PAPSS2: variants seen among roughly 807,000 people sequenced by gnomAD.
PAPSS2 encodes the protein 3'-phosphoadenosine 5'-phosphosulfate synthase 2.
In PAPSS2, 61 loss-of-function variants were observed where a neutral mutation model predicts 66.5. That is an observed-to-expected ratio of 0.92 (90% confidence interval 0.75 to 1.14). PAPSS2 has a LOEUF of 1.14. Ranked by LOEUF, PAPSS2 falls within the 50% of genes most tolerant of loss-of-function variation. The probability of loss-of-function intolerance (pLI) is 0.00; values close to 1 mark genes in which losing one functional copy is unlikely to be tolerated. For synonymous variants in PAPSS2, 289 were observed against 287.5 expected, an observed-to-expected ratio of 1.01 and a Z score of -0.05; for missense variants, 708 against 789.6, an observed-to-expected ratio of 0.90 and a Z score of 1.24.
chr10:87,689,176 A>G (rs1853131579), intron 1 of PAPSS2, among the ~76,000 whole-genome samples: 2 of 151,844 alleles, frequency 1.3e-5, no homozygotes, highest in Non-Finnish European at 2.9e-5. Context: ...CCCCGTCCCC[A>G]CTAAAAATAC....
At chr10:87,687,572 A>G (rs575620418) in intron 1 of PAPSS2, among the ~76,000 whole-genome samples, 12 of 152,334 alleles carry the variant, frequency 7.9e-5, no homozygotes, top group Middle Eastern at 3.4e-3. Flanking sequence ...AGAGGCTGGT[A>G]ACGATAGAAG....
chr10:87,691,539 C>T (rs893137909), intron 1 of PAPSS2, among the ~76,000 whole-genome samples: 3 of 151,340 alleles, frequency 2.0e-5, no homozygotes, highest in Admixed American at 6.6e-5. Flanking sequence ...TGGGCCCTAC[C>T]GCCGACCACT....
intron 9 of PAPSS2, among the ~76,000 whole-genome samples, chr10:87,729,515 C>T (rs1308533202): frequency 6.6e-6 from 1 of 152,112 alleles, no homozygotes; most frequent in Non-Finnish European, 1.5e-5. Context: ...CTGCCTTCTC[C>T]ACTCACTGGC....
chr10:87,741,315 C>T lies in PAPSS2; in HGVS notation c.1167C>T (p.Asp389=), dbSNP rs145242127. The change falls in exon 10 of 13, where the codon GAC becomes GAT. Residue 389 remains aspartate (D), a synonymous_variant. Coordinates refer to ENST00000456849, the MANE Select transcript of PAPSS2 (RefSeq NM_001015880.2). ...AAATAAGATGGAATGATGGGCTGGA[C>T]CAATACCGTCTGACACCTCTGGAGC... The part of the protein sequence containing the change: ...LEKIRWNDGL[D]QYRLTPLELK... The T allele has an allele frequency of 4.5e-4, 729 of 1,613,614 alleles. 10 individuals are homozygous for T. The Middle Eastern group carries it at 0.014, about 31-fold the overall frequency.
intron 1 of PAPSS2, among the ~76,000 whole-genome samples, chr10:87,681,031 G>A (rs1027771552): frequency 6.6e-6 from 1 of 152,148 alleles, no homozygotes; most frequent in East Asian, 1.9e-4. Context: ...GAGGGACATT[G>A]AGCAATGTCT....
At chr10:87,699,147 T>G (rs184006414) in intron 1 of PAPSS2, among the ~76,000 whole-genome samples, 35 of 152,362 alleles carry the variant, frequency 2.3e-4, no homozygotes, top group Admixed American at 2.0e-3. Flanking sequence ...CCGAATGATA[T>G]TTAAGTGCCA....
In PAPSS2 at chr10:87,743,623, A is replaced by G; in HGVS notation, c.1473A>G (p.Leu491=). ...TTGCCATCTTTCCGTCTCCCATGTTATATGCTGGCCCCACAGAGGTGAGCA... is the reference window on the plus strand; with the variant it reads ...TTGCCATCTTTCCGTCTCCCATGTTGTATGCTGGCCCCACAGAGGTGAGCA... ...TIVAIFPSPM[L]YAGPTEVQWH... Residue 491 remains leucine (L), a synonymous_variant, in exon 11 of 13, where the codon TTA becomes TTG. Transcript: ENST00000456849. The G allele has an allele frequency of 6.2e-7, 1 of 1,614,110 alleles. No individual in the cohort carries two copies. The highest frequency in any genetic ancestry group is 1.1e-5 in the South Asian group (1 of 91,074).
intron 8 of PAPSS2, among the ~76,000 whole-genome samples, chr10:87,724,441 C>A (rs185431230): frequency 1.3e-5 from 2 of 151,974 alleles, no homozygotes; most frequent in East Asian, 3.9e-4. Context: ...ACCCCCATAA[C>A]TCTGTATTTC....
intron 1 of PAPSS2, among the ~76,000 whole-genome samples, chr10:87,669,408 A>G (rs930914301): frequency 1.2e-4 from 18 of 152,330 alleles, no homozygotes; most frequent in Middle Eastern, 6.8e-3. Flanking sequence ...CTGACTCCCA[A>G]TAGAGAGTGT....
At chr10:87,693,468 C>A (rs1325529208) in intron 1 of PAPSS2, among the ~76,000 whole-genome samples, 1 of 152,180 alleles carries the variant, frequency 6.6e-6, no homozygotes, top group Non-Finnish European at 1.5e-5. Context: ...TCATTTCCAA[C>A]CGAAGGACTC....
chr10:87,681,566 T>C (rs1182671082), intron 1 of PAPSS2, among the ~76,000 whole-genome samples: 1 of 152,332 alleles, frequency 6.6e-6, no homozygotes. Flanking sequence ...TTATATACTA[T>C]AAAATTCACC....
intron 1 of PAPSS2, among the ~76,000 whole-genome samples, chr10:87,678,868 G>T (rs763432143): frequency 9.2e-5 from 14 of 152,142 alleles, no homozygotes; most frequent in Non-Finnish European, 2.1e-4. Context: ...GAAAACAAAT[G>T]GAGATTTCTC....
chr10:87,659,930 G>A lies in PAPSS2; in HGVS notation c.-52G>A. ...TGCCGCCGCCGCCGCCGCCGTCCCT[G>A]CGTCCTTCGGTCTCTGCTCCCGGGA... On this transcript the variant is annotated 5_prime_UTR_variant, in exon 1 of 13. Transcript: ENST00000456849. 3 of 1,602,322 alleles carry A rather than the reference G, an allele frequency of 1.9e-6. No individual in the cohort carries two copies. The highest frequency in any genetic ancestry group is 1.7e-4 in the Middle Eastern group (1 of 6,028).
chr10:87,661,724 G>A (rs1374546551), intron 1 of PAPSS2, among the ~76,000 whole-genome samples: 4 of 152,164 alleles, frequency 2.6e-5, no homozygotes, highest in African/African-American at 9.7e-5. Flanking sequence ...TTTGAGGGCC[G>A]GAGGGTTTGG....
At chr10:87,660,870 G>T in intron 1 of PAPSS2, 1 of 327,518 alleles carries the variant, frequency 3.1e-6, no homozygotes, top group South Asian at 2.6e-5. Flanking sequence ...AGAGTTGGAT[G>T]GCGCCTTCTA....
chr10:87,685,575 C>T (rs548405797), intron 1 of PAPSS2, among the ~76,000 whole-genome samples: 31 of 152,228 alleles, frequency 2.0e-4, no homozygotes, highest in African/African-American at 4.8e-4. Flanking sequence ...CTCAGCTACT[C>T]GGGAAGCTGG....
intron 7 of PAPSS2, among the ~76,000 whole-genome samples, chr10:87,721,368 A>G (rs945254342): frequency 6.6e-5 from 10 of 152,178 alleles, no homozygotes; most frequent in African/African-American, 2.4e-4. Context: ...TTTGGAAACT[A>G]TTCTACAGTG....
intron 7 of PAPSS2, among the ~76,000 whole-genome samples, chr10:87,718,831 G>T (rs1308802875): frequency 6.6e-6 from 1 of 152,240 alleles, no homozygotes; most frequent in African/African-American, 2.4e-5. Flanking sequence ...ATTGAGTGAG[G>T]CAACTCTTGT....
Position 87,745,114 on chromosome 10 carries a change from C to G in PAPSS2, c.1604C>G (p.Thr535Ser). ...ACCAAGAAGGATCTGTATGAACCCA[C>G]TCATGGGGGCAAGGTCTTGAGCATG... ...PETKKDLYEPTHGGKVLSMAP... is the reference protein window; with the variant it reads ...PETKKDLYEPSHGGKVLSMAP... Residue 535 changes from threonine to serine, a missense_variant, in exon 12 of 13, where the codon ACT becomes AGT. Transcript: ENST00000456849. 2 of 1,614,182 alleles carry G rather than the reference C, an allele frequency of 1.2e-6. No individual in the cohort carries two copies. The highest frequency in any genetic ancestry group is 1.7e-6 in the Non-Finnish European group (2 of 1,179,998).
Sources: allele counts gnomAD v4.1 joint callset (sites outside exome capture counted in the v4.1 genomes callset), GRCh38; gene constraint gnomAD v4.1.1; transcripts MANE v1.5; gene names NCBI Gene and HGNC (gene_info 2026-07-23, HGNC 2026-07-21).